GABRG3: variants seen among roughly 807,000 people sequenced by gnomAD.
GABRG3 encodes the protein gamma-aminobutyric acid receptor subunit gamma-3.
A neutral mutation model predicts 48.8 loss-of-function variants in GABRG3; 25 were observed. That is an observed-to-expected ratio of 0.51 (90% CI 0.37 to 0.72). The LOEUF (loss-of-function observed/expected upper bound fraction) is 0.72, where lower values mean the gene tolerates loss of function less well. Among genes scored for constraint, GABRG3 ranks in the 30% least tolerant of loss-of-function variants. The pLI is 0.00. For missense variants in GABRG3, 394 were observed against 577.9 expected (o/e 0.68, Z 3.26); for synonymous variants, 227 against 217.6 (o/e 1.04, Z -0.38).
At chr15:27,524,455 G>T (rs1295161345) in intron 7 of GABRG3, among the ~76,000 whole-genome samples, 1 of 151,942 alleles carries the variant, frequency 6.6e-6, no homozygotes, top group East Asian at 1.9e-4. Flanking sequence ...GTGAAAATAT[G>T]GGCAAGTAAA....
At chr15:27,380,490 G>A (rs1348960637) in intron 5 of GABRG3, among the ~76,000 whole-genome samples, 2 of 151,348 alleles carry the variant, frequency 1.3e-5, no homozygotes, top group Non-Finnish European at 2.9e-5. Flanking sequence ...TAGTGTATTT[G>A]TAAAAGGATT....
rs1566769768 is a variant in GABRG3, at chr15:27,307,006, G to GTTTATA, written c.271-19802_271-19801insTTATAT. ...TATAAACATGTTTATATATAAACAT[G>GTTTATA]TATAAACATGTTTATATATAAACAT... On this transcript the variant is annotated intron_variant, in intron 3 of 9. Transcript: ENST00000615808. Among the ~76,000 whole-genome samples, 3 of 78,596 alleles carry GTTTATA rather than the reference G, an allele frequency of 3.8e-5. 1 individual carries two copies. Among genetic ancestry groups the GTTTATA allele is most frequent in the Non-Finnish European group, 4.7e-5 (2 of 42,816 alleles). The allele number at this position is 78,596 out of a possible 152,430, so 51.6% of individuals were successfully genotyped here.
chr15:26,972,558 T>C (rs970951400), intron 1 of GABRG3, among the ~76,000 whole-genome samples: 1 of 152,132 alleles, frequency 6.6e-6, no homozygotes, highest in Non-Finnish European at 1.5e-5. Context: ...AGCGTGCCCC[T>C]ATCCCCCAAA....
intron 5 of GABRG3, among the ~76,000 whole-genome samples, chr15:27,442,731 A>T (rs1888828489): frequency 6.6e-6 from 1 of 152,182 alleles, no homozygotes; most frequent in Non-Finnish European, 1.5e-5. Flanking sequence ...CTTTTTCTAC[A>T]ATCTGACCCC....
intron 6 of GABRG3, among the ~76,000 whole-genome samples, chr15:27,483,481 A>T (rs74006957): frequency 0.021 from 3,189 of 152,290 alleles, 116 homozygotes; most frequent in African/African-American, 0.073. Flanking sequence ...ACAGGTACTG[A>T]GGGTTAGGAC....
chr15:27,287,724 T>C (rs1248512157), intron 3 of GABRG3, among the ~76,000 whole-genome samples: 1 of 151,176 alleles, frequency 6.6e-6, no homozygotes, highest in East Asian at 1.9e-4. Context: ...TCATTCAAGA[T>C]GATTTGCTGT....
At chr15:27,491,957 T>G (rs932402377) in intron 6 of GABRG3, among the ~76,000 whole-genome samples, 15 of 152,226 alleles carry the variant, frequency 9.9e-5, no homozygotes, top group African/African-American at 2.7e-4. Context: ...TTTAGTCATA[T>G]CCCATATGAC....
At chr15:27,420,988 AAAAC>A (rs1296255857) in intron 5 of GABRG3, among the ~76,000 whole-genome samples, 3 of 152,242 alleles carry the variant, frequency 2.0e-5, no homozygotes, top group East Asian at 3.8e-4. Context: ...ACTCGAATTT[AAAAC>A]AAACAAAAAA....
chr15:27,449,963 CTT>C (rs1415858422), intron 5 of GABRG3, among the ~76,000 whole-genome samples: 1 of 152,336 alleles, frequency 6.6e-6, no homozygotes, highest in African/African-American at 2.4e-5. Flanking sequence ...ATATGTCACT[CTT>C]TTAAAATATT....
intron 3 of GABRG3, among the ~76,000 whole-genome samples, chr15:27,214,772 C>T (rs1417328340): frequency 6.7e-6 from 1 of 149,944 alleles, no homozygotes; most frequent in Non-Finnish European, 1.5e-5. Context: ...GGTATTGAAA[C>T]AACATTGCAG....
At chr15:27,387,910 AGGAGGGAAGGAG>A (rs1373787058) in intron 5 of GABRG3, among the ~76,000 whole-genome samples, 2 of 39,678 alleles carry the variant, frequency 5.0e-5, no homozygotes, top group African/African-American at 2.0e-4. Context: ...GAAGGAGGGA[AGGAGGGAAGGAG>A]GGAGGGAGGG....
At chr15:27,405,970 C>T (rs944876583) in intron 5 of GABRG3, among the ~76,000 whole-genome samples, 43 of 152,060 alleles carry the variant, frequency 2.8e-4, no homozygotes, top group Non-Finnish European at 1.8e-4. Context: ...AATAAAGGAG[C>T]TCCCAATGGC....
intron 6 of GABRG3, among the ~76,000 whole-genome samples, chr15:27,499,912 G>A (rs576751085): frequency 3.3e-5 from 5 of 152,304 alleles, no homozygotes; most frequent in South Asian, 2.1e-4. Context: ...AGGCTGCCTC[G>A]GACCTGGTGG....
chr15:27,485,576 A>G (rs527515886), intron 6 of GABRG3, among the ~76,000 whole-genome samples: 1 of 152,280 alleles, frequency 6.6e-6, no homozygotes, highest in South Asian at 2.1e-4. Context: ...CAGTCACCCC[A>G]GCCCCTGATG....
At chr15:27,430,625 A>G (rs755608962) in intron 5 of GABRG3, among the ~76,000 whole-genome samples, 5 of 152,132 alleles carry the variant, frequency 3.3e-5, no homozygotes, top group Admixed American at 6.6e-5. Flanking sequence ...TGCATATCCC[A>G]TTGTCCCAGC....
At chr15:27,193,694 T>A (rs1888405534) in intron 3 of GABRG3, among the ~76,000 whole-genome samples, 1 of 152,228 alleles carries the variant, frequency 6.6e-6, no homozygotes, top group South Asian at 2.1e-4. Flanking sequence ...TGCCTCTCCC[T>A]GCTTCGGCTT....
chr15:27,504,204 C>T lies in GABRG3; in HGVS notation c.713-15768C>T, dbSNP rs141729527. Among the ~76,000 whole-genome samples the T allele has an allele frequency of 3.8e-4, 57 of 151,842 alleles. 1 individual carries two copies. In the East Asian group the frequency reaches 9.7e-3, roughly 26 times the overall value. ...ACACTTTTGGTTTTAATCTGTGATC[C>T]TCCTTTTTTGTTCTATTTCTCCTCT... On this transcript the variant is annotated intron_variant, in intron 6 of 9. Coordinates refer to ENST00000615808, the MANE Select transcript of GABRG3 (RefSeq NM_033223.5).
At chr15:27,211,165 C>T (rs945710837) in intron 3 of GABRG3, among the ~76,000 whole-genome samples, 3 of 152,172 alleles carry the variant, frequency 2.0e-5, no homozygotes, top group Non-Finnish European at 4.4e-5. Flanking sequence ...CGAGTGTGTC[C>T]TGGATCCCAC....
chr15:27,225,104 A>G (rs749252851), intron 3 of GABRG3, among the ~76,000 whole-genome samples: 1 of 152,160 alleles, frequency 6.6e-6, no homozygotes, highest in Non-Finnish European at 1.5e-5. Flanking sequence ...TTATTTGGTG[A>G]TTAATCATCA....
Sources: gnomAD v4.1 joint callset for allele counts (sites outside exome capture counted in the v4.1 genomes callset) on GRCh38, gnomAD v4.1.1 for gene constraint, MANE v1.5 for transcripts, NCBI Gene and HGNC (gene_info 2026-07-23, HGNC 2026-07-21) for gene names.